The following RAP1GAP2 variants were observed in gnomAD, a reference collection of about 807,000 sequenced individuals.
RAP1GAP2 encodes the protein RAP1 GTPase activating protein 2, also known as rap1 GTPase-activating protein 2.
In RAP1GAP2, 27 loss-of-function variants were observed where a neutral mutation model predicts 95.0. The observed-to-expected ratio is 0.28, with a 90% confidence interval of 0.21 to 0.39. The LOEUF is 0.39. Among genes scored for constraint, RAP1GAP2 ranks in the 10% least tolerant of loss-of-function variants. RAP1GAP2 has a pLI of 1.00. For missense variants in RAP1GAP2, 771 were observed against 970.0 expected (o/e 0.79, Z 2.72); for synonymous variants, 373 against 380.9 (o/e 0.98, Z 0.24).
intron 2 of RAP1GAP2, among the ~76,000 whole-genome samples, chr17:2,845,523 C>A (rs2071545021): frequency 6.6e-6 from 1 of 152,238 alleles, no homozygotes; most frequent in Admixed American, 6.5e-5. Context: ...CTCCCACATC[C>A]AGAGGCAGCC....
At chr17:2,991,190 CAG>C in intron 11 of RAP1GAP2, 105 bp from the exon 12 acceptor site, 1 of 886,912 alleles carries the variant, frequency 1.1e-6, no homozygotes, top group South Asian at 1.5e-5. Context: ...TGCTGGGAGA[CAG>C]GGAGAAAGGA....
At chr17:2,881,463 G>A (rs548180431) in intron 2 of RAP1GAP2, among the ~76,000 whole-genome samples, 4 of 152,264 alleles carry the variant, frequency 2.6e-5, no homozygotes, top group South Asian at 2.1e-4. Context: ...ATTGTAGCAC[G>A]AATCCGTAAC....
intron 22 of RAP1GAP2, among the ~76,000 whole-genome samples, chr17:3,030,177 T>TACACACACACACACACACACACAC (rs61671474): frequency 8.3e-5 from 12 of 145,250 alleles, no homozygotes; most frequent in Non-Finnish European, 1.6e-4. Context: ...ATATATATTA[T>TACACACACACACACACACACACAC]ACACACACAC....
Position 2,998,205 on chromosome 17 carries a change from A to G in RAP1GAP2, c.1045-16A>G, listed in dbSNP as rs113531867. The G allele has an allele frequency of 4.2e-5, 67 of 1,612,298 alleles. 1 individual carries two copies. The African/African-American group carries it at 7.2e-4, about 17-fold the overall frequency. ...TTTCCTAACTGGCTTATAACCTCTCAACACTTTTTATTTAGCTCCAGAGAA... is the reference window on the plus strand; with the variant it reads ...TTTCCTAACTGGCTTATAACCTCTCGACACTTTTTATTTAGCTCCAGAGAA... On this transcript the variant is annotated splice_polypyrimidine_tract_variant and intron_variant, in intron 13 of 24. Transcript: ENST00000254695.
intron 10 of RAP1GAP2, among the ~76,000 whole-genome samples, chr17:2,984,660 C>T (rs17835167): frequency 0.13 from 19,090 of 152,122 alleles, 1,479 homozygotes; most frequent in Admixed American, 0.19. Flanking sequence ...TCACTTTTTA[C>T]ACCACAGATT....
At position 2,961,413 on chromosome 17, in the gene RAP1GAP2, GC is replaced by G. The variant is rs375827926; in HGVS notation, c.202-1255del. Among the ~76,000 whole-genome samples, 570 of 152,126 alleles carry G rather than the reference GC, an allele frequency of 3.7e-3. 2 individuals are homozygous for G. Among genetic ancestry groups the G allele is most frequent in the African/African-American group, 0.013 (552 of 41,484 alleles). Reference sequence around the variant, plus strand: ...GCCTGTAATCTCAGCTACTCGGGAGGCCGAGGCAGGAGAATTGCTTGAACCT... The same window carrying G: ...GCCTGTAATCTCAGCTACTCGGGAGGCGAGGCAGGAGAATTGCTTGAACCT... On this transcript the variant is annotated intron_variant, in intron 4 of 24. Coordinates refer to ENST00000254695, the MANE Select transcript of RAP1GAP2 (RefSeq NM_015085.5).
intron 1 of RAP1GAP2, among the ~76,000 whole-genome samples, chr17:2,756,286 G>C (rs1266639025): frequency 6.6e-6 from 1 of 152,252 alleles, no homozygotes; most frequent in East Asian, 1.9e-4. Context: ...ACAGGGCGCA[G>C]AGAAGGGGGC....
chr17:3,007,552 T>C (rs2046376813), intron 16 of RAP1GAP2, among the ~76,000 whole-genome samples: 1 of 152,166 alleles, frequency 6.6e-6, no homozygotes, highest in Non-Finnish European at 1.5e-5. Context: ...TTTGATGACA[T>C]GGTGGCCAAG....
chr17:2,799,620 G>A (rs1250234314), intron 1 of RAP1GAP2, among the ~76,000 whole-genome samples: 1 of 152,172 alleles, frequency 6.6e-6, no homozygotes, highest in Non-Finnish European at 1.5e-5. Context: ...CACTGATGAT[G>A]ACATGTGGTG....
chr17:3,033,200 G>T lies in RAP1GAP2; in HGVS notation c.*31-192G>T, dbSNP rs1161530529. 6.6e-6 allele frequency: 1 copy of T among 152,496 alleles called. No individual in the cohort carries two copies. The highest frequency in any genetic ancestry group is 1.9e-4 in the East Asian group (1 of 5,186). 9.4% of individuals were successfully genotyped at this position (152,496 alleles called of 1,614,324 possible). The stretch of plus-strand genomic sequence containing the variant: ...GGACGCCACTGCCCACCAAAGCCGT[G>T]GCTATGCGCAGCTTCTCGGGCCACG... On this transcript the variant is annotated intron_variant, in intron 24 of 24. Transcript: ENST00000254695. The surrounding 1 kb of genome is among the most constrained non-coding windows in gnomAD (Gnocchi z 4.9).
chr17:3,026,034 C>T lies in RAP1GAP2; in HGVS notation c.1778C>T (p.Thr593Ile), dbSNP rs780572360. The T allele has an allele frequency of 1.9e-6, 3 of 1,613,724 alleles. No homozygotes were observed. The highest frequency in any genetic ancestry group is 2.2e-5 in the South Asian group (2 of 91,068). Residue 593 changes from threonine (T) to isoleucine (I), a missense_variant, in exon 20 of 25, where the codon ACC (threonine) becomes ATC (isoleucine). Physicochemically the swap from Thr to Ile is moderately conservative, Grantham distance 89 (BLOSUM62 -1). Transcript: ENST00000254695. ...GACAGCACATCCAGCACACCCAAGACCCCAGATGGTGGACACTCCTCTCAG... is the reference window on the plus strand; with the variant it reads ...GACAGCACATCCAGCACACCCAAGATCCCAGATGGTGGACACTCCTCTCAG... Reference protein sequence around the residue: ...RCDSTSSTPKTPDGGHSSQEI... With the variant: ...RCDSTSSTPKIPDGGHSSQEI...
At chr17:3,001,968 CT>C (rs71377566) in intron 14 of RAP1GAP2, among the ~76,000 whole-genome samples, 195 of 138,602 alleles carry the variant, frequency 1.4e-3, no homozygotes, top group Admixed American at 1.2e-3. Context: ...TCTTCTTCTC[CT>C]TTTTTTTTTT....
chr17:3,002,971 T>C (rs1370089037), intron 14 of RAP1GAP2, among the ~76,000 whole-genome samples: 1 of 152,072 alleles, frequency 6.6e-6, no homozygotes, highest in Non-Finnish European at 1.5e-5. Context: ...TGGGTGCAGG[T>C]CAGCAGGGGA....
At chr17:2,804,294 C>T (rs755982941) in intron 2 of RAP1GAP2, among the ~76,000 whole-genome samples, 2 of 152,228 alleles carry the variant, frequency 1.3e-5, no homozygotes, top group African/African-American at 2.4e-5. Flanking sequence ...GAAGCATTCA[C>T]TGTGTGCTCA....
chr17:2,991,916 C>T (rs1460651709), intron 12 of RAP1GAP2, among the ~76,000 whole-genome samples: 1 of 152,020 alleles, frequency 6.6e-6, no homozygotes, highest in Admixed American at 6.5e-5. Flanking sequence ...AGGCGCCCGC[C>T]AACACGCCCA....
At chr17:2,925,532 G>A (rs1305820207) in intron 3 of RAP1GAP2, among the ~76,000 whole-genome samples, 4 of 152,160 alleles carry the variant, frequency 2.6e-5, no homozygotes, top group African/African-American at 7.2e-5. Context: ...CCGCTCCCTC[G>A]CTCCACTCGT....
intron 2 of RAP1GAP2, among the ~76,000 whole-genome samples, chr17:2,841,538 C>G (rs1271476896): frequency 2.0e-5 from 3 of 151,958 alleles, no homozygotes; most frequent in Admixed American, 6.6e-5. Context: ...AATCTCCTGA[C>G]CTTGTGATCT....
At chr17:2,932,842 A>AAAGG (rs140254643) in intron 3 of RAP1GAP2, among the ~76,000 whole-genome samples, 27,737 of 93,496 alleles carry the variant, frequency 0.3, 8,813 homozygotes, top group Non-Finnish European at 0.38. Flanking sequence ...AAAAAAAAAA[A>AAAGG]AGAGCAGGGA....
chr17:2,827,032 AAGAG>A lies in RAP1GAP2; in HGVS notation c.80+26490_80+26493del, dbSNP rs992306017. 1.2e-4 allele frequency among the ~76,000 whole-genome samples: 17 copies of A among 146,182 alleles called. No homozygotes were observed. The highest frequency in any genetic ancestry group is 3.6e-4 in the African/African-American group (13 of 35,818). On this transcript the variant is annotated intron_variant, in intron 2 of 24. Coordinates refer to ENST00000254695, the MANE Select transcript of RAP1GAP2 (RefSeq NM_015085.5). This position sits in a 1 kb window ranked among gnomAD's most constrained non-coding sequence, Gnocchi z 4.1. ...GAGAGAGAGAGGAGAGAAAGAAAGA[AAGAG>A]AGAGAGAAAGAAAGAAAGAGAAAGT...
Sources: gnomAD v4.1 joint callset for allele counts (sites outside exome capture counted in the v4.1 genomes callset) on GRCh38, gnomAD v4.1.1 for gene constraint, Gnocchi (gnomAD v3.1) non-coding constraint, MANE v1.5 for transcripts, NCBI Gene and HGNC (gene_info 2026-07-23, HGNC 2026-07-21) for gene names.